COL5A3: variants seen among roughly 807,000 people sequenced by gnomAD.
COL5A3 encodes the protein collagen type V alpha 3 chain.
In COL5A3, 172 loss-of-function variants were observed where a neutral mutation model predicts 250.0. That is an observed-to-expected ratio of 0.69 (90% CI 0.61 to 0.78). The LOEUF is 0.78. COL5A3 is among the 30% of genes least tolerant of loss of function. The pLI, the probability that COL5A3 is intolerant of heterozygous loss-of-function variation, is 0.00. For synonymous variants in COL5A3, 937 were observed against 900.4 expected (o/e 1.04, Z -0.73); for missense variants, 2,340 against 2,334.4 (o/e 1.00, Z -0.05).
chr19:9,978,441 C>T, intron 41 of COL5A3, 133 bp downstream of exon 41: 2 of 666,832 alleles, frequency 3.0e-6, no homozygotes, highest in South Asian at 1.7e-5. Context: ...CCAGGCTGAT[C>T]TTGAACTCCT....
At chr19:9,996,813 G>C in intron 11 of COL5A3, 124 bp from the exon 12 acceptor site, 1 of 678,334 alleles carries the variant, frequency 1.5e-6, no homozygotes, top group Non-Finnish European at 2.4e-6. Flanking sequence ...GAGAGACACA[G>C]AATCAAAGAG....
rs4044577 is a variant in COL5A3 at position 10,009,161 on chromosome 19, GGTGTGTGTGT to G, written c.88+1127_88+1136del. Among the ~76,000 whole-genome samples, 769 of 140,418 alleles carry G rather than the reference GGTGTGTGTGT, an allele frequency of 5.5e-3. 5 individuals are homozygous for G. Among genetic ancestry groups the G allele is most frequent in the African/African-American group, 0.016 (616 of 37,878 alleles). 92.1% of individuals were successfully genotyped at this position (140,418 alleles called of 152,430 possible). On this transcript the variant is annotated intron_variant, in intron 1 of 66. Coordinates refer to ENST00000264828, the MANE Select transcript of COL5A3 (RefSeq NM_015719.4). The surrounding 1 kb of genome is among the most constrained non-coding windows in gnomAD (Gnocchi z 4.4). The stretch of plus-strand genomic sequence containing the variant: ...GACTCCAAAGTAAGAAGTGTGCTGT[GGTGTGTGTGT>G]GTGTGTGTGTGTGTGTGTGTGTGTG...
rs1281064966 is a variant in COL5A3, at chr19:9,960,417, G to C, written c.5232C>G (p.Ser1744Arg). 2 of 1,614,178 alleles carry C rather than the reference G, an allele frequency of 1.2e-6. No individual in the cohort carries two copies. Among genetic ancestry groups the C allele is most frequent in the Non-Finnish European group, 8.5e-7 (1 of 1,180,022 alleles). ...CCTCCCACCCCGGACACTCTCAGCT[G>C]CTGAAGCAGACGGGGCCCAGTTCAA... is the stretch of plus-strand genomic sequence containing the variant. ...FGFELGPVCF[S>R]S Residue 1744 changes from serine (S) to arginine (R), a missense_variant, in exon 67 of 67, where the codon AGC (serine) becomes AGG (arginine). Transcript: ENST00000264828.
chr19:9,964,832 C>T (rs1431854635), intron 64 of COL5A3, among the ~76,000 whole-genome samples: 4 of 115,622 alleles, frequency 3.5e-5, no homozygotes, highest in Non-Finnish European at 6.6e-5. Context: ...GCCTAACCAA[C>T]GTAGTGAAAC....
chr19:9,996,939 A>T, intron 11 of COL5A3: 1 of 548,390 alleles, frequency 1.8e-6, no homozygotes, highest in Non-Finnish European at 3.2e-6. Flanking sequence ...GCAGATGGAG[A>T]GACATACAGA....
rs781714826 is a variant in COL5A3, at chr19:9,998,167, G to A, written c.1111-18C>T. 3 of 1,603,858 alleles carry A rather than the reference G, an allele frequency of 1.9e-6. No homozygotes were observed. The highest frequency in any genetic ancestry group is 1.3e-5 in the African/African-American group (1 of 74,492). Reference sequence around the variant, plus strand: ...CCAGCACCCTGGGGTGGGGTCAGGGGAGATGGAGAGAAAAGAGATGTGAAC... The same window carrying A: ...CCAGCACCCTGGGGTGGGGTCAGGGAAGATGGAGAGAAAAGAGATGTGAAC... On this transcript the variant is annotated intron_variant, in intron 8 of 66. Transcript: ENST00000264828.
At chr19:9,995,661 A>C in intron 15 of COL5A3, 44 bp from the exon 16 acceptor site, 1 of 1,433,980 alleles carries the variant, frequency 7.0e-7, no homozygotes, top group Non-Finnish European at 9.6e-7. Context: ...AATAAGAAGA[A>C]AGAGGGACTT....
At chr19:9,974,114 C>A in intron 47 of COL5A3, 57 bp downstream of exon 47, 1 of 1,572,174 alleles carries the variant, frequency 6.4e-7, no homozygotes, top group Non-Finnish European at 8.7e-7. Context: ...CTAATGCCTG[C>A]CGCCAACCTA....
chr19:9,998,143 C>T lies in COL5A3; in HGVS notation c.1117G>A (p.Gly373Arg). The change falls in exon 9 of 67, where the codon GGA becomes AGA. Residue 373 changes from glycine to arginine, a missense_variant. Physicochemically the swap from Gly to Arg is moderately radical, Grantham distance 125. This residue lies in a region of COL5A3 where 1,152 missense variants were observed against 1,146.3 expected (regional missense o/e 1.00). Coordinates refer to ENST00000264828, the MANE Select transcript of COL5A3 (RefSeq NM_015719.4). ...GGCTCTCCTTTTGCTCCTTTCTCTCCAGCACCCTGGGGTGGGGTCAGGGGA... is the reference window on the plus strand; with the variant it reads ...GGCTCTCCTTTTGCTCCTTTCTCTCTAGCACCCTGGGGTGGGGTCAGGGGA... ...RTQFQIFPGA[G>R]EKGAKGEPAV... The T allele has an allele frequency of 6.2e-7, 1 of 1,613,548 alleles. No individual in the cohort carries two copies. Among genetic ancestry groups the T allele is most frequent in the Non-Finnish European group, 8.5e-7 (1 of 1,179,808 alleles).
chr19:9,993,891 A>G, intron 16 of COL5A3, 85 bp from the exon 17 acceptor site: 1 of 1,252,134 alleles, frequency 8.0e-7, no homozygotes. Context: ...CATCATCAAC[A>G]TCAAGATTTT....
Position 9,989,512 on chromosome 19 carries a change from C to T in COL5A3, c.2003G>A (p.Gly668Glu). ...IGTPGEKGPP[G>E]NPGIPGLPGS... The stretch of plus-strand genomic sequence containing the variant: ...TGGGAGGCCTGGAATTCCTGGGTTT[C>T]CAGGGGGACCCTGAAAGAAGATGAA... Residue 668 changes from glycine (G) to glutamate (E), a missense_variant, in exon 25 of 67, where the codon GGA becomes GAA. By Grantham distance (98) the Gly-to-Glu change is moderately conservative (BLOSUM62 -2). Coordinates refer to ENST00000264828, the MANE Select transcript of COL5A3 (RefSeq NM_015719.4). The T allele has an allele frequency of 1.2e-6, 2 of 1,612,164 alleles. No individual in the cohort carries two copies. The highest frequency in any genetic ancestry group is 2.2e-5 in the East Asian group (1 of 44,866).
chr19:10,010,490 G>C lies in COL5A3; in HGVS notation c.-105C>G, dbSNP rs1015079425. On this transcript the variant is annotated 5_prime_UTR_variant, in exon 1 of 67. Transcript: ENST00000264828. Reference sequence around the variant, plus strand: ...CACTCGCGGCGGCCGCTCCTCTCAGGGTCCGCGGGAAACTGCCCGAGACCC... The same window carrying C: ...CACTCGCGGCGGCCGCTCCTCTCAGCGTCCGCGGGAAACTGCCCGAGACCC... 6 of 722,378 alleles carry C rather than the reference G, an allele frequency of 8.3e-6. No individual in the cohort carries two copies. The African/African-American group carries it at 9.3e-5, about 11-fold the overall frequency. 44.7% of individuals were successfully genotyped at this position (722,378 alleles called of 1,614,324 possible).
intron 21 of COL5A3, 78 bp from the exon 22 acceptor site, chr19:9,992,126 T>C: frequency 7.7e-7 from 1 of 1,299,008 alleles, no homozygotes; most frequent in South Asian, 1.2e-5. Context: ...GAGATGCAGG[T>C]GGAAAGGTGA....
rs752733332 is a variant in COL5A3, at chr19:9,979,887, G to A, written c.2664C>T (p.His888=). The change falls in exon 37 of 67, where the codon CAC becomes CAT. Residue 888 remains histidine (H), a synonymous_variant. Transcript: ENST00000264828. ...GCCCTGGTCGCCCATCTTTACCTTGGTGACCCTGGGGGATGAGGTGGGAAA... is the reference window on the plus strand; with the variant it reads ...GCCCTGGTCGCCCATCTTTACCTTGATGACCCTGGGGGATGAGGTGGGAAA... The part of the protein sequence containing the change: ...GFPGPKGPPG[H]QGKDGRPGHP... 7.0e-6 allele frequency: 11 copies of A among 1,572,980 alleles called. No individual in the cohort carries two copies. In the South Asian group the frequency reaches 8.4e-5, roughly 12 times the overall value.
Position 9,992,626 on chromosome 19 carries a change from A to G in COL5A3, c.1848+201T>C, listed in dbSNP as rs147551506. ...ACCCTGTCTCTACTAAAAATACAAA[A>G]ATTAGCCAGGTGTGCTGGTGGGTCC... is the stretch of plus-strand genomic sequence containing the variant. On this transcript the variant is annotated intron_variant, in intron 21 of 66. Transcript: ENST00000264828. Among the ~76,000 whole-genome samples the G allele has an allele frequency of 2.7e-3, 406 of 151,848 alleles. 13 individuals carry two copies. In the East Asian group the frequency reaches 0.068, roughly 25 times the overall value.
intron 8 of COL5A3, among the ~76,000 whole-genome samples, chr19:9,999,703 T>C (rs1404916678): frequency 6.6e-6 from 1 of 152,108 alleles, no homozygotes; most frequent in African/African-American, 2.4e-5. Flanking sequence ...CCTGACCTCG[T>C]GATCAGCCCT....
chr19:10,007,068 C>A (rs181087646), intron 1 of COL5A3, among the ~76,000 whole-genome samples: 242 of 149,000 alleles, frequency 1.6e-3, no homozygotes, highest in Admixed American at 2.8e-3. Flanking sequence ...CCCCTTTGAC[C>A]TCTTCCTTCT....
At chr19:9,970,426 G>GGTTGACTGGGGTCTGTGGA (rs2086824146) in intron 54 of COL5A3, among the ~76,000 whole-genome samples, 196 bp downstream of exon 54, 39 of 65,352 alleles carry the variant, frequency 6.0e-4, no homozygotes, top group African/African-American at 3.1e-3. Context: ...GGGGCTGTAA[G>GGTTGACTGGGGTCTGTGGA]GTGAGTGGGG....
chr19:9,981,148 A>G lies in COL5A3; in HGVS notation c.2461-16T>C, dbSNP rs1568416942. On this transcript the variant is annotated splice_polypyrimidine_tract_variant and intron_variant, in intron 32 of 66. Transcript: ENST00000264828. ...CTGTCTTTCCCTGAAAATGAATTGTAAGAGAGAAAGCAGAAGAGAGTTAGG... is the reference window on the plus strand; with the variant it reads ...CTGTCTTTCCCTGAAAATGAATTGTGAGAGAGAAAGCAGAAGAGAGTTAGG... The G allele has an allele frequency of 6.2e-7, 1 of 1,613,366 alleles. No homozygotes were observed. Among genetic ancestry groups the G allele is most frequent in the East Asian group, 2.2e-5 (1 of 44,884 alleles).
Sources: gnomAD v4.1 joint callset for allele counts (sites outside exome capture counted in the v4.1 genomes callset) on GRCh38, gnomAD v4.1.1 for gene constraint, gnomAD v4.1.1 regional missense constraint, Gnocchi (gnomAD v3.1) non-coding constraint, MANE v1.5 for transcripts, NCBI Gene and HGNC (gene_info 2026-07-23, HGNC 2026-07-21) for gene names.